The following POFUT1 variants were observed in gnomAD, a reference collection of about 807,000 sequenced individuals.
POFUT1 encodes the protein GDP-fucose protein O-fucosyltransferase 1.
Under a neutral mutation model 42.4 loss-of-function variants are expected in POFUT1, and 16 were observed. That is an observed-to-expected ratio of 0.38 (90% confidence interval 0.26 to 0.57). The LOEUF is 0.57. POFUT1 is among the 20% of genes least tolerant of loss of function. The pLI, the probability that POFUT1 is intolerant of heterozygous loss-of-function variation, is 0.71. For synonymous variants in POFUT1, 206 were observed against 205.4 expected (o/e 1.00, Z -0.03); for missense variants, 470 against 504.6 (o/e 0.93, Z 0.66).
intron 4 of POFUT1, among the ~76,000 whole-genome samples, chr20:32,224,419 C>T (rs1461158949): frequency 6.6e-6 from 1 of 152,044 alleles, no homozygotes; most frequent in Non-Finnish European, 1.5e-5. Context: ...AAACTAGAGT[C>T]TAGCAAGATA....
intron 6 of POFUT1, among the ~76,000 whole-genome samples, chr20:32,233,136 C>G (rs1336814377): frequency 3.9e-5 from 6 of 152,230 alleles, no homozygotes; most frequent in Admixed American, 6.5e-5. Flanking sequence ...CAACACAGCT[C>G]TAGCCCCAGT....
At chr20:32,215,894 C>T (rs1009941635) in intron 3 of POFUT1, among the ~76,000 whole-genome samples, 2 of 152,126 alleles carry the variant, frequency 1.3e-5, no homozygotes, top group African/African-American at 4.8e-5. Context: ...GAGAGGACAC[C>T]GAGGATGGCA....
chr20:32,216,627 C>A lies in POFUT1; in HGVS notation c.448C>A (p.Pro150Thr). ...TCTGCAGGAAGGAAACCCCTTTGGCCCATTCTGGGATCAGTTTCATGTGAG... is the reference window on the plus strand; with the variant it reads ...TCTGCAGGAAGGAAACCCCTTTGGCACATTCTGGGATCAGTTTCATGTGAG... ...CPMKEGNPFG[P>T]FWDQFHVSFN... The change falls in exon 4 of 7, where the codon CCA becomes ACA. Residue 150 changes from proline to threonine, a missense_variant. Transcript: ENST00000375749. 1 of 1,612,868 alleles carries A rather than the reference C, an allele frequency of 6.2e-7. No homozygotes were observed. Among genetic ancestry groups the A allele is most frequent in the South Asian group, 1.1e-5 (1 of 91,060 alleles).
rs1331173954 is a variant in POFUT1, at chr20:32,215,250, G to A, written c.247-19G>A. 1.9e-6 allele frequency: 3 copies of A among 1,597,338 alleles called. No individual in the cohort carries two copies. The African/African-American group carries it at 4.0e-5, about 21-fold the overall frequency. Reference sequence around the variant, plus strand: ...ACGGGGGCACTGAGACGGGACCTCTGCTCCTCCTTTTCCTGTAGCTCCATG... The same window carrying A: ...ACGGGGGCACTGAGACGGGACCTCTACTCCTCCTTTTCCTGTAGCTCCATG... On this transcript the variant is annotated intron_variant, in intron 2 of 6. Coordinates refer to ENST00000375749, the MANE Select transcript of POFUT1 (RefSeq NM_015352.2).
intron 4 of POFUT1, chr20:32,223,487 C>T (rs1429980016): frequency 2.0e-6 from 2 of 985,344 alleles, no homozygotes; most frequent in Non-Finnish European, 1.2e-6. Flanking sequence ...AGGTGCTTTC[C>T]AAGAGGTCGG....
chr20:32,222,400 C>T (rs1217314547), intron 4 of POFUT1, among the ~76,000 whole-genome samples: 1 of 152,162 alleles, frequency 6.6e-6, no homozygotes, highest in Non-Finnish European at 1.5e-5. Context: ...GATGAAGCTC[C>T]AGCCATCACA....
At chr20:32,213,977 T>A (rs1407991318) in intron 2 of POFUT1, among the ~76,000 whole-genome samples, 1 of 152,160 alleles carries the variant, frequency 6.6e-6, no homozygotes, top group Non-Finnish European at 1.5e-5. Flanking sequence ...CTGTTGTGGA[T>A]ATAGTGTATT....
At chr20:32,208,558 T>C (rs753858772) in intron 1 of POFUT1, among the ~76,000 whole-genome samples, 2 of 150,378 alleles carry the variant, frequency 1.3e-5, no homozygotes, top group Admixed American at 6.7e-5. Flanking sequence ...GGCTCACTTC[T>C]GTAATCCCAC....
chr20:32,233,676 A>AG (rs1357724552), intron 6 of POFUT1, among the ~76,000 whole-genome samples: 1 of 152,190 alleles, frequency 6.6e-6, no homozygotes, highest in Non-Finnish European at 1.5e-5. Flanking sequence ...ATTGGGCCCA[A>AG]GGAGTGGCCC....
chr20:32,221,413 G>A (rs3803989), intron 4 of POFUT1, among the ~76,000 whole-genome samples: 32,973 of 151,894 alleles, frequency 0.22, 4,267 homozygotes, highest in African/African-American at 0.35. Context: ...TATCTTCAGA[G>A]TTTTCAAGAA....
intron 4 of POFUT1, chr20:32,217,342 T>C (rs1569153949): frequency 5.1e-6 from 6 of 1,176,324 alleles, no homozygotes; most frequent in Middle Eastern, 3.5e-4. Flanking sequence ...TTGTCCTTAA[T>C]GTTATAGCAT....
In POFUT1 at chr20:32,228,498, C is replaced by G. The variant is rs1437062416; in HGVS notation, c.735+43C>G. 6 of 1,563,830 alleles carry G rather than the reference C, an allele frequency of 3.8e-6. No homozygotes were observed. The East Asian group carries it at 1.3e-4, about 35-fold the overall frequency. ...CTCTCACTGGCTAACTTGGATGTGTCCCTGAGCATGGCCCTGGCCTGTAGG... is the reference window on the plus strand; with the variant it reads ...CTCTCACTGGCTAACTTGGATGTGTGCCTGAGCATGGCCCTGGCCTGTAGG... On this transcript the variant is annotated intron_variant, in intron 5 of 6. Coordinates refer to ENST00000375749, the MANE Select transcript of POFUT1 (RefSeq NM_015352.2).
intron 4 of POFUT1, among the ~76,000 whole-genome samples, chr20:32,226,869 C>T (rs2047417264): frequency 6.6e-6 from 1 of 151,946 alleles, no homozygotes; most frequent in Non-Finnish European, 1.5e-5. Flanking sequence ...GGGTTGTTTC[C>T]AGTTGGGGGC....
intron 6 of POFUT1, among the ~76,000 whole-genome samples, chr20:32,231,539 G>A (rs574635143): frequency 3.3e-5 from 5 of 152,190 alleles, no homozygotes; most frequent in Non-Finnish European, 5.9e-5. Flanking sequence ...GAATGAGGAT[G>A]TAGAGAGTGG....
chr20:32,233,262 T>G (rs940584182), intron 6 of POFUT1, among the ~76,000 whole-genome samples: 3 of 152,190 alleles, frequency 2.0e-5, no homozygotes, highest in African/African-American at 7.2e-5. Context: ...CAGAGGATGC[T>G]GGCCTAGGCT....
At chr20:32,212,521 C>T (rs2047335130) in intron 2 of POFUT1, among the ~76,000 whole-genome samples, 1 of 152,160 alleles carries the variant, frequency 6.6e-6, no homozygotes, top group African/African-American at 2.4e-5. Flanking sequence ...CTGCCTCAGC[C>T]TCCAAAAGTG....
chr20:32,236,774 GC>G lies in POFUT1; in HGVS notation c.*2114del, dbSNP rs2122612017. 1 of 152,286 alleles carries G rather than the reference GC, an allele frequency of 6.6e-6. No individual in the cohort carries two copies. The highest frequency in any genetic ancestry group is 1.9e-4 in the East Asian group (1 of 5,190). The allele number at this position is 152,286 out of a possible 1,614,324, so 9.4% of individuals were successfully genotyped here. A position where few individuals can be genotyped will look rare whatever the true frequency, so the allele number is the denominator to read the frequency against. On this transcript the variant is annotated 3_prime_UTR_variant, in exon 7 of 7. Coordinates refer to ENST00000375749, the MANE Select transcript of POFUT1 (RefSeq NM_015352.2). ...TCGTTGCTCGTCACCTCCATGCCAG[GC>G]ACTGTGCTTGCTAATTGCTTTATGG...
chr20:32,222,887 C>A (rs2047397786), intron 4 of POFUT1: 1 of 985,434 alleles, frequency 1.0e-6, no homozygotes, highest in African/African-American at 1.7e-5. Flanking sequence ...CAGGCTGCCA[C>A]CTCCCTGTGG....
chr20:32,231,082 A>C, intron 6 of POFUT1, 21 bp downstream of exon 6: 1 of 1,613,644 alleles, frequency 6.2e-7, no homozygotes, highest in Non-Finnish European at 8.5e-7. Flanking sequence ...GCCAAGTGGG[A>C]GTGCAGTAGG....
Sources: allele counts gnomAD v4.1 joint callset (sites outside exome capture counted in the v4.1 genomes callset), GRCh38; gene constraint gnomAD v4.1.1; transcripts MANE v1.5; gene names NCBI Gene and HGNC (gene_info 2026-07-23, HGNC 2026-07-21).